Variants in DYM observed in about 807,000 individuals in gnomAD.
DYM encodes the protein dyggve-Melchior-Clausen syndrome protein.
DYM carries 78 observed loss-of-function variants against 93.1 expected under a neutral mutation model. That is an observed-to-expected ratio of 0.84 (90% CI 0.70 to 1.01). DYM has a LOEUF of 1.01. Ranked by LOEUF, DYM falls within the 50% of genes least tolerant of loss-of-function variation. The probability of loss-of-function intolerance (pLI) is 0.00; values close to 1 mark genes in which losing one functional copy is unlikely to be tolerated. For synonymous variants in DYM, 321 were observed against 319.7 expected (o/e 1.00, Z -0.04); for missense variants, 789 against 845.0 (o/e 0.93, Z 0.82).
chr18:49,117,624 C>G (rs2082018894), intron 16 of DYM, among the ~76,000 whole-genome samples: 1 of 152,128 alleles, frequency 6.6e-6, no homozygotes, highest in Non-Finnish European at 1.5e-5. Context: ...ATCTCTAACA[C>G]AGCTACAAAC....
At position 49,384,062 on chromosome 18, in the gene DYM, G is replaced by A. The variant is rs145233502; in HGVS notation, c.194-4304C>T. Among the ~76,000 whole-genome samples the A allele has an allele frequency of 5.9e-3, 898 of 152,178 alleles. 6 individuals carry two copies. The highest frequency in any genetic ancestry group is 0.021 in the African/African-American group (870 of 41,526). On this transcript the variant is annotated intron_variant, in intron 3 of 17. Transcript: ENST00000675505. The stretch of plus-strand genomic sequence containing the variant: ...GAGCAAGCCAGGCACAGTAGCACAC[G>A]CCTGTAATCCCAGCACTTTCAGAGG...
At chr18:49,093,239 G>C (rs77911672) in intron 17 of DYM, 1 of 152,300 alleles carries the variant, frequency 6.6e-6, no homozygotes, top group African/African-American at 2.4e-5. Context: ...CCATGAAACT[G>C]TGAGAACCCA....
intron 8 of DYM, among the ~76,000 whole-genome samples, chr18:49,319,644 T>C (rs1176639227): frequency 6.6e-6 from 1 of 152,172 alleles, no homozygotes; most frequent in Non-Finnish European, 1.5e-5. Context: ...ACAAAGATAC[T>C]CTAAGTTCCA....
In DYM at chr18:49,421,627, C is replaced by T. The variant is rs376230989; in HGVS notation, c.140+8628G>A. Among the ~76,000 whole-genome samples, 68 of 152,320 alleles carry T rather than the reference C, an allele frequency of 4.5e-4. 1 individual carries two copies. The South Asian group carries it at 0.013, about 30-fold the overall frequency. ...AAGGAACGCAGCTCCTCGCCAGCAA[C>T]AGAACAAAGCTGGACGGAGAATGAC... On this transcript the variant is annotated intron_variant, in intron 2 of 17. Coordinates refer to ENST00000675505, the MANE Select transcript of DYM (RefSeq NM_001353214.3).
chr18:49,383,094 T>C (rs963442317), intron 3 of DYM, among the ~76,000 whole-genome samples: 2 of 151,938 alleles, frequency 1.3e-5, no homozygotes, highest in Non-Finnish European at 2.9e-5. Flanking sequence ...CTTCAATAAA[T>C]ACACTGAGAG....
chr18:49,372,491 C>G (rs1003958402), intron 5 of DYM, among the ~76,000 whole-genome samples: 1 of 152,112 alleles, frequency 6.6e-6, no homozygotes, highest in Non-Finnish European at 1.5e-5. Context: ...GCCTGTAATC[C>G]CAGCACTTTG....
chr18:49,052,390 T>C (rs1351595666), intron 17 of DYM, among the ~76,000 whole-genome samples: 1 of 152,238 alleles, frequency 6.6e-6, no homozygotes. Context: ...TAAGATGTCT[T>C]AGAAGTCTAA....
Position 49,140,060 on chromosome 18 carries a change from T to C in DYM, c.1729-21134A>G, listed in dbSNP as rs141291499. Among the ~76,000 whole-genome samples the C allele has an allele frequency of 2.2e-4, 34 of 152,220 alleles. No individual in the cohort carries two copies. In the East Asian group the frequency reaches 5.8e-3, roughly 26 times the overall value. On this transcript the variant is annotated intron_variant, in intron 15 of 17. Coordinates refer to ENST00000675505, the MANE Select transcript of DYM (RefSeq NM_001353214.3). ...GAACAATGGGCACCCATTCAATAAA[T>C]TCAAAAAATAAATGACTTGATGATT...
intron 8 of DYM, among the ~76,000 whole-genome samples, chr18:49,324,138 C>CAAAA (rs59640889): frequency 0.067 from 3,644 of 54,472 alleles, 857 homozygotes; most frequent in Non-Finnish European, 0.071. Context: ...GGCTCTGTCT[C>CAAAA]AAAAAAAAAA....
At chr18:49,130,407 T>C (rs2083275287) in intron 15 of DYM, among the ~76,000 whole-genome samples, 1 of 152,204 alleles carries the variant, frequency 6.6e-6, no homozygotes, top group African/African-American at 2.4e-5. Flanking sequence ...GCTTTTAACC[T>C]CGGATTCGAA....
chr18:49,155,693 G>C (rs866045245), intron 15 of DYM, among the ~76,000 whole-genome samples: 2 of 152,208 alleles, frequency 1.3e-5, no homozygotes, highest in Non-Finnish European at 2.9e-5. Context: ...GTTCATCCAT[G>C]ATTAAGAATG....
chr18:49,095,603 T>C (rs1207888775), intron 17 of DYM, among the ~76,000 whole-genome samples: 11 of 152,200 alleles, frequency 7.2e-5, no homozygotes, highest in Non-Finnish European at 4.4e-5. Context: ...CCCATGACCT[T>C]GGCCTCAATA....
chr18:49,364,746 C>T (rs1391473957), intron 5 of DYM, among the ~76,000 whole-genome samples: 1 of 152,136 alleles, frequency 6.6e-6, no homozygotes, highest in Non-Finnish European at 1.5e-5. Context: ...GTGTATATTC[C>T]AGCAATGCCA....
intron 7 of DYM, among the ~76,000 whole-genome samples, chr18:49,332,316 G>A (rs1055127644): frequency 6.6e-6 from 1 of 152,132 alleles, no homozygotes; most frequent in Admixed American, 6.5e-5. Flanking sequence ...TGCCCAGGCT[G>A]GTCTCAAACT....
rs757748594 is a variant in DYM, at chr18:49,333,832, T to G, written c.516A>C (p.Ser172=). Residue 172 remains serine, a synonymous_variant, in exon 7 of 18, where the codon TCA becomes TCC. Transcript: ENST00000675505. ...IPLLDITYEI[S]VEAISTMVVF... ...CAACCATTGTTGATATAGCTTCTAC[T>G]GATATTTCATATGTAATATCTCTAA... is the stretch of plus-strand genomic sequence containing the variant. The G allele has an allele frequency of 8.7e-6, 14 of 1,611,578 alleles. No homozygotes were observed. The highest frequency in any genetic ancestry group is 1.1e-5 in the Non-Finnish European group (13 of 1,178,086).
At chr18:49,441,110 TATAA>T (rs1197616361) in intron 1 of DYM, among the ~76,000 whole-genome samples, 3 of 7,768 alleles carry the variant, frequency 3.9e-4, no homozygotes, top group Non-Finnish European at 8.6e-4. Context: ...TATATATTAA[TATAA>T]ATATATTATA....
At chr18:49,301,506 G>A (rs559102563) in intron 8 of DYM, among the ~76,000 whole-genome samples, 2 of 145,004 alleles carry the variant, frequency 1.4e-5, no homozygotes, top group South Asian at 2.2e-4. Flanking sequence ...GGGTGACAGA[G>A]TGAGACTCCG....
chr18:49,381,632 GCA>G (rs1482853228), intron 3 of DYM, among the ~76,000 whole-genome samples: 1 of 152,182 alleles, frequency 6.6e-6, no homozygotes, highest in Non-Finnish European at 1.5e-5. Context: ...CAAATGGACT[GCA>G]CATGTGTGAA....
At chr18:49,169,517 G>A (rs2088373593) in intron 14 of DYM, among the ~76,000 whole-genome samples, 1 of 152,176 alleles carries the variant, frequency 6.6e-6, no homozygotes, top group African/African-American at 2.4e-5. Flanking sequence ...CATCCTGAAA[G>A]CCAGACGTGT....
Sources: allele counts gnomAD v4.1 joint callset (sites outside exome capture counted in the v4.1 genomes callset), GRCh38; gene constraint gnomAD v4.1.1; transcripts MANE v1.5; gene names NCBI Gene and HGNC (gene_info 2026-07-23, HGNC 2026-07-21).